NIT1: variants seen among roughly 807,000 people sequenced by gnomAD.
NIT1 encodes nitrilase 1.
Under a neutral mutation model 36.8 loss-of-function variants are expected in NIT1, and 30 were observed. The observed-to-expected ratio is 0.82, with a 90% CI of 0.61 to 1.11. The LOEUF (loss-of-function observed/expected upper bound fraction) is 1.11. Ranked by LOEUF, NIT1 falls within the 50% of genes least tolerant of loss-of-function variation. The pLI is 0.00. For missense variants in NIT1, 438 were observed against 410.6 expected (o/e 1.07, Z -0.58); for synonymous variants, 151 against 155.6 (o/e 0.97, Z 0.22).
chr1:161,122,025 A>T (rs1220855582), downstream of NIT1: 126 of 187,548 alleles, frequency 6.7e-4, no homozygotes, highest in Admixed American at 1.6e-3. The surrounding 1 kb of genome is among the most constrained non-coding windows in gnomAD (Gnocchi z 4.2). Context: ...CTTTTTCTTT[A>T]AAAAAAAAAA....
Position 161,121,052 on chromosome 1 carries a change from T to C in NIT1, c.*287T>C. ...TGAGCAGCACTGGCATTGAAAAATA[T>C]AATAATCATAAAGTCTGTGTCTGGA... On this transcript the variant is annotated 3_prime_UTR_variant, in exon 7 of 7. Transcript: ENST00000368009. 3 of 1,271,712 alleles carry C rather than the reference T, an allele frequency of 2.4e-6. No homozygotes were observed. The highest frequency in any genetic ancestry group is 1.8e-5 in the South Asian group (1 of 55,256). The allele number at this position is 1,271,712 out of a possible 1,614,324, so 78.8% of individuals were successfully genotyped here.
chr1:161,121,803 C>T (rs918195537), downstream of NIT1: 1 of 214,936 alleles, frequency 4.7e-6, no homozygotes, highest in African/African-American at 2.3e-5. Context: ...ATTGATAACT[C>T]CTTAGTGCAT....
chr1:161,122,218 C>T, downstream of NIT1: 2 of 1,614,176 alleles, frequency 1.2e-6, no homozygotes, highest in Non-Finnish European at 1.7e-6. This position sits in a 1 kb window ranked among gnomAD's most constrained non-coding sequence, Gnocchi z 4.2. Flanking sequence ...TCCTCGTCTA[C>T]ATTTACCAGC....
At chr1:161,122,998 A>C, downstream of NIT1, 1 of 1,614,076 alleles carries the variant, frequency 6.2e-7, no homozygotes. The surrounding 1 kb of genome is among the most constrained non-coding windows in gnomAD (Gnocchi z 4.2). Context: ...GAATAGCATA[A>C]ACTGCCCAGT....
chr1:161,120,149 TCTCTGG>T lies in NIT1; in HGVS notation c.636_641del (p.Leu215_Ala216del), dbSNP rs771266831. On this transcript the variant is annotated inframe_deletion, in exon 6 of 7. Coordinates refer to ENST00000368009, the MANE Select transcript of NIT1 (RefSeq NM_005600.3). The stretch of plus-strand genomic sequence containing the variant: ...CTATGACATGCGGTTCCCTGAACTC[TCTCTGG>T]CATTGGCTCAAGCTGGAGCAGAGAT... 2 of 1,614,198 alleles carry T rather than the reference TCTCTGG, an allele frequency of 1.2e-6. No homozygotes were observed. The highest frequency in any genetic ancestry group is 3.3e-5 in the Admixed American group (2 of 60,020).
At chr1:161,125,202 A>C (rs1428150064), downstream of NIT1, 6 of 152,222 alleles carry the variant, frequency 3.9e-5, no homozygotes, top group East Asian at 9.6e-4. Context: ...ATCTATAAAC[A>C]GGGATGAATG....
At position 161,118,745 on chromosome 1, in the gene NIT1, T is replaced by G. The variant is rs367878324; in HGVS notation, c.3-41T>G. Reference sequence around the variant, plus strand: ...TCAGAGAATCCTAGAAATTTATTGCTTGAAGAAGGGGTTGGTGTCCTCATA... The same window carrying G: ...TCAGAGAATCCTAGAAATTTATTGCGTGAAGAAGGGGTTGGTGTCCTCATA... On this transcript the variant is annotated intron_variant, in intron 1 of 6. Coordinates refer to ENST00000368009, the MANE Select transcript of NIT1 (RefSeq NM_005600.3). 28 of 1,526,278 alleles carry G rather than the reference T, an allele frequency of 1.8e-5. No homozygotes were observed. The African/African-American group carries it at 3.8e-4, about 21-fold the overall frequency. The allele number at this position is 1,526,278 out of a possible 1,614,324, so 94.5% of individuals were successfully genotyped here. A position where few individuals can be genotyped will look rare whatever the true frequency, so the allele number is the denominator to read the frequency against.
chr1:161,119,484 A>G, intron 3 of NIT1, 25 bp from the exon 4 acceptor site: 2 of 1,613,434 alleles, frequency 1.2e-6, no homozygotes, highest in South Asian at 1.1e-5. Flanking sequence ...GTCAGTGAAG[A>G]GTTGTCAGTG....
In NIT1 at chr1:161,119,263, A is replaced by C. The variant is rs754349557; in HGVS notation, c.228A>C (p.Arg76Ser). Reference protein sequence around the residue: ...TCAELVREAARLGACLAFLPE... With the variant: ...TCAELVREAASLGACLAFLPE... Reference sequence around the variant, plus strand: ...CTGAGCTGGTTCGAGAGGCTGCCAGACTGGGTGCCTGCCTGGCTTTCCTGC... The same window carrying C: ...CTGAGCTGGTTCGAGAGGCTGCCAGCCTGGGTGCCTGCCTGGCTTTCCTGC... The change falls in exon 3 of 7, where the codon AGA becomes AGC. Residue 76 changes from arginine to serine, a missense_variant. Transcript: ENST00000368009. 6.2e-7 allele frequency: 1 copy of C among 1,614,210 alleles called. No individual in the cohort carries two copies. Among genetic ancestry groups the C allele is most frequent in the Non-Finnish European group, 8.5e-7 (1 of 1,180,030 alleles).
At chr1:161,123,466 C>T (rs543040709), downstream of NIT1, among the ~76,000 whole-genome samples, 17 of 152,060 alleles carry the variant, frequency 1.1e-4, no homozygotes, top group African/African-American at 3.4e-4. Context: ...GGTGAAACCC[C>T]GTCTCTAAAA....
At chr1:161,124,148 C>T, downstream of NIT1, 1 of 1,612,994 alleles carries the variant, frequency 6.2e-7, no homozygotes, top group Non-Finnish European at 8.5e-7. Flanking sequence ...CAGCCCGTCT[C>T]CTCTTGAGGG....
chr1:161,120,988 CATT>C lies in NIT1; in HGVS notation c.*224_*226del. The C allele has an allele frequency of 7.1e-7, 1 of 1,404,136 alleles. No individual in the cohort carries two copies. Among genetic ancestry groups the C allele is most frequent in the South Asian group, 1.6e-5 (1 of 62,960 alleles). The allele number at this position is 1,404,136 out of a possible 1,614,324, so 87.0% of individuals were successfully genotyped here. Reference sequence around the variant, plus strand: ...TCAGAAAGGTGGAATTTTATATAGTCATTGTTTATTTCATGGAAACTGAAGTTC... The same window carrying C: ...TCAGAAAGGTGGAATTTTATATAGTCGTTTATTTCATGGAAACTGAAGTTC... On this transcript the variant is annotated 3_prime_UTR_variant, in exon 7 of 7. Transcript: ENST00000368009.
chr1:161,124,268 A>C, downstream of NIT1: 2 of 1,614,254 alleles, frequency 1.2e-6, no homozygotes, highest in Non-Finnish European at 1.7e-6. Flanking sequence ...ATAAGAAGTC[A>C]CGTCCATTTC....
At chr1:161,119,700 A>C (rs1045818916) in intron 4 of NIT1, 88 bp downstream of exon 4, 2 of 1,579,826 alleles carry the variant, frequency 1.3e-6, no homozygotes, top group East Asian at 4.5e-5. Flanking sequence ...TATTTCCTTG[A>C]CCCAAGGATT....
downstream of NIT1, chr1:161,122,024 T>TTA: frequency 7.5e-6 from 8 of 1,068,148 alleles, no homozygotes; most frequent in African/African-American, 3.4e-5. This position sits in a 1 kb window ranked among gnomAD's most constrained non-coding sequence, Gnocchi z 4.2. Flanking sequence ...TCTTTTTCTT[T>TTA]AAAAAAAAAA....
chr1:161,124,172 C>T, downstream of NIT1: 1 of 1,613,956 alleles, frequency 6.2e-7, no homozygotes, highest in Non-Finnish European at 8.5e-7. Context: ...CGTAGGGCAG[C>T]AGGTCGTGGC....
Position 161,120,615 on chromosome 1 carries a change from G to C in NIT1, c.834G>C (p.Trp278Cys). The C allele has an allele frequency of 6.2e-7, 1 of 1,614,216 alleles. No individual in the cohort carries two copies. The highest frequency in any genetic ancestry group is 8.5e-7 in the Non-Finnish European group (1 of 1,180,040). The change falls in exon 7 of 7, where the codon TGG becomes TGC. Residue 278 changes from tryptophan to cysteine, a missense_variant. Physicochemically the swap from Trp to Cys is radical, Grantham distance 215 (BLOSUM62 -2). Transcript: ENST00000368009. The part of the protein sequence containing the change: ...SYGHSMVVDP[W>C]GTVVARCSEG... ...GCCACAGCATGGTGGTAGACCCCTG[G>C]GGAACAGTGGTGGCCCGCTGCTCTG...
chr1:161,122,859 C>T, downstream of NIT1: 1 of 857,262 alleles, frequency 1.2e-6, no homozygotes, highest in East Asian at 2.7e-5. This position sits in a 1 kb window ranked among gnomAD's most constrained non-coding sequence, Gnocchi z 4.2. Flanking sequence ...ATAACAACAT[C>T]CCTGTGATGT....
intron 4 of NIT1, 88 bp from the exon 5 acceptor site, chr1:161,119,731 T>C (rs1302034586): frequency 1.3e-6 from 2 of 1,582,198 alleles, no homozygotes; most frequent in East Asian, 2.2e-5. Context: ...CCTACTTCAG[T>C]TCCTAGCCTA....
Sources: gnomAD v4.1 joint callset for allele counts (sites outside exome capture counted in the v4.1 genomes callset) on GRCh38, gnomAD v4.1.1 for gene constraint, Gnocchi (gnomAD v3.1) non-coding constraint, MANE v1.5 for transcripts, NCBI Gene and HGNC (gene_info 2026-07-23, HGNC 2026-07-21) for gene names.